Variants in LYPD6B observed in about 807,000 individuals in gnomAD.
The protein encoded by LYPD6B is LY6/PLAUR domain containing 6B, also known as ly6/PLAUR domain-containing protein 6B.
A neutral mutation model predicts 22.8 loss-of-function variants in LYPD6B; 17 were observed. The observed-to-expected ratio is 0.75, with a 90% CI of 0.51 to 1.12. The LOEUF is 1.12. Among genes scored for constraint, LYPD6B ranks in the 50% most tolerant of loss-of-function variants. LYPD6B has a pLI of 0.00. For missense variants in LYPD6B, 221 were observed against 258.3 expected, an observed-to-expected ratio of 0.86 and a Z score of 0.99; for synonymous variants, 106 against 91.6, an observed-to-expected ratio of 1.16 and a Z score of -0.90.
chr2:149,072,569 C>T (rs374188634), intron 1 of LYPD6B, among the ~76,000 whole-genome samples: 10 of 119,984 alleles, frequency 8.3e-5, no homozygotes, highest in African/African-American at 2.3e-4. Context: ...CACAGTTTCA[C>T]TCTGTTGCCC....
intron 1 of LYPD6B, among the ~76,000 whole-genome samples, chr2:149,063,397 TC>T (rs1684183124): frequency 1.3e-5 from 2 of 152,140 alleles, no homozygotes; most frequent in South Asian, 4.1e-4. Context: ...TACAATTACA[TC>T]GTCAAAGTCT....
chr2:149,159,205 A>G (rs1235889710), intron 2 of LYPD6B, among the ~76,000 whole-genome samples: 1 of 152,082 alleles, frequency 6.6e-6, no homozygotes, highest in East Asian at 1.9e-4. Context: ...TTCCTCCCCA[A>G]ATGTGGATGA....
chr2:149,188,616 G>C, intron 3 of LYPD6B: 1 of 651,050 alleles, frequency 1.5e-6, no homozygotes, highest in Non-Finnish European at 1.9e-6. Context: ...ACCCAGTAAA[G>C]TTGAGATTGT....
intron 1 of LYPD6B, among the ~76,000 whole-genome samples, chr2:149,048,653 C>T (rs528645484): frequency 6.6e-6 from 1 of 152,332 alleles, no homozygotes; most frequent in East Asian, 1.9e-4. Context: ...TCAGTTTTCT[C>T]ATGGATTTGA....
rs566649120 is a variant in LYPD6B at position 149,194,576 on chromosome 2, G to T, written c.78-10677G>T. ...ATGAGAAAACAGTTACCAGAATCTAGGAGATGGTAGCTGCAGAGTTGGCCA... is the reference window on the plus strand; with the variant it reads ...ATGAGAAAACAGTTACCAGAATCTATGAGATGGTAGCTGCAGAGTTGGCCA... On this transcript the variant is annotated intron_variant, in intron 3 of 6. Transcript: ENST00000409642. Among the ~76,000 whole-genome samples, 56 of 152,346 alleles carry T rather than the reference G, an allele frequency of 3.7e-4. No individual in the cohort carries two copies. In the South Asian group the frequency reaches 4.8e-3, roughly 13 times the overall value.
chr2:149,132,445 G>A (rs1472521738), intron 2 of LYPD6B, among the ~76,000 whole-genome samples: 1 of 151,966 alleles, frequency 6.6e-6, no homozygotes, highest in Non-Finnish European at 1.5e-5. Flanking sequence ...TCTAGGAAAG[G>A]GGTTAGATGC....
intron 6 of LYPD6B, 124 bp from the exon 7 acceptor site, chr2:149,214,422 G>A (rs751223837): frequency 6.0e-5 from 60 of 992,430 alleles, no homozygotes; most frequent in Non-Finnish European, 8.4e-5. Context: ...TGCAAAATTG[G>A]ATAACCAACT....
chr2:149,105,821 C>T (rs1686445135), intron 1 of LYPD6B, among the ~76,000 whole-genome samples: 1 of 152,078 alleles, frequency 6.6e-6, no homozygotes, highest in African/African-American at 2.4e-5. Flanking sequence ...GCTAGATCCT[C>T]CTGTGCAATA....
chr2:149,079,196 GT>G (rs1464651580), intron 1 of LYPD6B, among the ~76,000 whole-genome samples: 3 of 152,008 alleles, frequency 2.0e-5, no homozygotes, highest in African/African-American at 7.3e-5. Context: ...TTCTCCAAGG[GT>G]CTAACTTTGG....
At chr2:149,108,681 A>G (rs1029500721) in intron 1 of LYPD6B, among the ~76,000 whole-genome samples, 2 of 152,208 alleles carry the variant, frequency 1.3e-5, no homozygotes, top group Non-Finnish European at 2.9e-5. Context: ...GTGTTAGAAC[A>G]CATATTGAAT....
chr2:149,040,220 TC>T (rs375128019), intron 1 of LYPD6B, among the ~76,000 whole-genome samples: 3 of 4,826 alleles, frequency 6.2e-4, no homozygotes, highest in Non-Finnish European at 0.014. Context: ...TCTCTCTCTC[TC>T]TTTTTTTTTT....
rs112254367 is a variant in LYPD6B at position 149,160,745 on chromosome 2, C to CT, written c.6-12dup. 1.1e-4 allele frequency: 172 copies of CT among 1,541,130 alleles called. No individual in the cohort carries two copies. In the African/African-American group the frequency reaches 1.2e-3, roughly 11 times the overall value. Reference sequence around the variant, plus strand: ...TCGTCAGCAGTGGCTCTTTCCTTATCTTTTTTTATCTCTGGTAGGCTGATT... The same window carrying CT: ...TCGTCAGCAGTGGCTCTTTCCTTATCTTTTTTTTATCTCTGGTAGGCTGATT... On this transcript the variant is annotated intron_variant, in intron 2 of 6. Transcript: ENST00000409642.
At chr2:149,178,515 G>C (rs770281923) in intron 3 of LYPD6B, among the ~76,000 whole-genome samples, 12 of 152,306 alleles carry the variant, frequency 7.9e-5, no homozygotes, top group Admixed American at 2.6e-4. Context: ...AGGCCATGCA[G>C]TGTGTAGTCC....
intron 1 of LYPD6B, among the ~76,000 whole-genome samples, chr2:149,129,997 G>C (rs993481449): frequency 2.0e-5 from 3 of 152,212 alleles, no homozygotes; most frequent in African/African-American, 7.2e-5. Context: ...CCAGGAGCCT[G>C]GGTACTGCAG....
chr2:149,140,119 C>T (rs965982362), intron 2 of LYPD6B, among the ~76,000 whole-genome samples: 1 of 152,082 alleles, frequency 6.6e-6, no homozygotes, highest in African/African-American at 2.4e-5. Flanking sequence ...ATAACCTGCT[C>T]CCAGAGGACC....
intron 1 of LYPD6B, among the ~76,000 whole-genome samples, chr2:149,045,589 T>C: frequency 6.6e-6 from 1 of 152,120 alleles, no homozygotes; most frequent in Non-Finnish European, 1.5e-5. Flanking sequence ...TTGAAATGTA[T>C]ATTTGAATTT....
intron 1 of LYPD6B, among the ~76,000 whole-genome samples, chr2:149,110,000 C>T (rs528712731): frequency 1.2e-4 from 19 of 152,118 alleles, no homozygotes; most frequent in Non-Finnish European, 1.9e-4. Context: ...CATGAGCCAC[C>T]GTACCCGGCC....
intron 1 of LYPD6B, among the ~76,000 whole-genome samples, chr2:149,123,502 A>G (rs1438753286): frequency 6.6e-6 from 1 of 152,180 alleles, no homozygotes; most frequent in Non-Finnish European, 1.5e-5. Context: ...AGGAAAGGGC[A>G]CTGAACTGAT....
intron 3 of LYPD6B, among the ~76,000 whole-genome samples, chr2:149,198,558 T>C (rs1692965035): frequency 6.6e-6 from 1 of 152,190 alleles, no homozygotes; most frequent in Admixed American, 6.5e-5. Context: ...AATTATACAC[T>C]TATGGGCCAT....
Sources: allele counts gnomAD v4.1 joint callset (sites outside exome capture counted in the v4.1 genomes callset), GRCh38; gene constraint gnomAD v4.1.1; transcripts MANE v1.5; gene names NCBI Gene and HGNC (gene_info 2026-07-23, HGNC 2026-07-21).